Variants in PALLD observed in about 807,000 individuals in gnomAD.
PALLD encodes palladin, cytoskeletal associated protein.
A neutral mutation model predicts 123.5 loss-of-function variants in PALLD; 61 were observed. That is an observed-to-expected ratio of 0.49 (90% CI 0.40 to 0.61). The LOEUF (loss-of-function observed/expected upper bound fraction) is 0.61. Among genes scored for constraint, PALLD ranks in the 20% least tolerant of loss-of-function variants. The pLI, the probability that PALLD is intolerant of heterozygous loss-of-function variation, is 0.00. For synonymous variants in PALLD, 465 were observed against 496.4 expected, an observed-to-expected ratio of 0.94 and a Z score of 0.84; for missense variants, 1,273 against 1,377.0, an observed-to-expected ratio of 0.92 and a Z score of 1.20.
chr4:168,608,327 G>A (rs1773391393), intron 2 of PALLD, among the ~76,000 whole-genome samples: 3 of 152,122 alleles, frequency 2.0e-5, no homozygotes, highest in African/African-American at 7.2e-5. Flanking sequence ...CTCATCCAAT[G>A]AGCCCCCCAT....
chr4:168,715,094 T>C (rs1785218799), intron 10 of PALLD, among the ~76,000 whole-genome samples: 1 of 151,838 alleles, frequency 6.6e-6, no homozygotes, highest in East Asian at 1.9e-4. Context: ...GGGTTCCTGG[T>C]CCAGTCTATG....
At position 168,925,002 on chromosome 4, in the gene PALLD, A is replaced by T. The variant is rs1447433925; in HGVS notation, c.3282A>T (p.Glu1094Asp). 8 of 1,614,036 alleles carry T rather than the reference A, an allele frequency of 5.0e-6. No homozygotes were observed. Among genetic ancestry groups the T allele is most frequent in the African/African-American group, 2.7e-5 (2 of 74,930 alleles). Residue 1094 changes from glutamate (E) to aspartate (D), a missense_variant, in exon 20 of 22, where the codon GAA (glutamate) becomes GAT (aspartate). By Grantham distance (45) the Glu-to-Asp change is conservative. Coordinates refer to ENST00000505667, the MANE Select transcript of PALLD (RefSeq NM_001166108.2). ...TGCTCATTCAGGGAGCCACAAAAGA[A>T]GATGCTGGGTGGTATACTGTGTCAG... ...ICLLIQGATK[E>D]DAGWYTVSAK...
chr4:168,681,067 T>G (rs116137870), intron 3 of PALLD, among the ~76,000 whole-genome samples: 2,585 of 152,252 alleles, frequency 0.017, 77 homozygotes, highest in African/African-American at 0.058. Context: ...ATGACCACAG[T>G]GATAAAAATG....
chr4:168,858,943 A>C (rs942156613), intron 10 of PALLD, among the ~76,000 whole-genome samples: 2 of 152,142 alleles, frequency 1.3e-5, no homozygotes, highest in Admixed American at 1.3e-4. Context: ...CCTTACTCTA[A>C]ATATAAAAAT....
chr4:168,808,993 C>G (rs1247116159), intron 10 of PALLD, among the ~76,000 whole-genome samples: 5 of 152,134 alleles, frequency 3.3e-5, no homozygotes, highest in Non-Finnish European at 7.4e-5. Context: ...TCTTTTGAAC[C>G]AGGAGATGAA....
At chr4:168,779,480 ACAT>A (rs1223640963) in intron 10 of PALLD, among the ~76,000 whole-genome samples, 8 of 151,206 alleles carry the variant, frequency 5.3e-5, no homozygotes, top group Admixed American at 2.0e-4. Flanking sequence ...CTTCATGTGA[ACAT>A]CATATATATA....
chr4:168,563,940 GC>G (rs1245330661), intron 2 of PALLD, among the ~76,000 whole-genome samples: 2 of 152,158 alleles, frequency 1.3e-5, no homozygotes, highest in African/African-American at 4.8e-5. Context: ...TTAAGTCAGA[GC>G]TTTTAGGGTA....
At chr4:168,668,587 TG>T (rs1186460134) in intron 3 of PALLD, among the ~76,000 whole-genome samples, 6 of 152,384 alleles carry the variant, frequency 3.9e-5, no homozygotes, top group Non-Finnish European at 5.9e-5. Context: ...TAATGTAGAA[TG>T]TTTCCACTCC....
chr4:168,603,893 C>T (rs558142217), intron 2 of PALLD, among the ~76,000 whole-genome samples: 5 of 152,298 alleles, frequency 3.3e-5, no homozygotes, highest in African/African-American at 1.2e-4. Context: ...AATGGATATA[C>T]ACAAATGTGC....
intron 10 of PALLD, among the ~76,000 whole-genome samples, chr4:168,884,099 A>C (rs2151156398): frequency 6.6e-6 from 1 of 152,258 alleles, no homozygotes; most frequent in East Asian, 1.9e-4. Flanking sequence ...TTTTATAGGA[A>C]AACAAACTCA....
At chr4:168,592,839 G>T (rs1187548864) in intron 2 of PALLD, among the ~76,000 whole-genome samples, 3 of 152,026 alleles carry the variant, frequency 2.0e-5, no homozygotes, top group Non-Finnish European at 4.4e-5. Context: ...ACTGTGTGGG[G>T]CAACAAGCCC....
chr4:168,687,694 A>G (rs1004384956), intron 6 of PALLD, among the ~76,000 whole-genome samples: 3 of 152,128 alleles, frequency 2.0e-5, no homozygotes, highest in African/African-American at 7.2e-5. Flanking sequence ...CACCAAGAGG[A>G]ACTCTCAAAT....
intron 13 of PALLD, among the ~76,000 whole-genome samples, chr4:168,897,354 A>G (rs952237702): frequency 6.6e-6 from 1 of 152,236 alleles, no homozygotes; most frequent in Non-Finnish European, 1.5e-5. Flanking sequence ...TGTTTTTTAA[A>G]CACTGAGTAA....
intron 10 of PALLD, among the ~76,000 whole-genome samples, chr4:168,840,335 G>C (rs143604987): frequency 6.6e-6 from 1 of 152,310 alleles, no homozygotes; most frequent in East Asian, 1.9e-4. Context: ...TTGCAAGAGA[G>C]AGAGTGATAT....
At position 168,878,879 on chromosome 4, in the gene PALLD, A is replaced by G. The variant is rs146201914; in HGVS notation, c.1965-12043A>G. On this transcript the variant is annotated intron_variant, in intron 10 of 21. Coordinates refer to ENST00000505667, the MANE Select transcript of PALLD (RefSeq NM_001166108.2). Reference sequence around the variant, plus strand: ...GAATCCATGCTCTCACCACCAAACTATGTGTTTTATTATAATATTTCATGC... The same window carrying G: ...GAATCCATGCTCTCACCACCAAACTGTGTGTTTTATTATAATATTTCATGC... Among the ~76,000 whole-genome samples the G allele has an allele frequency of 3.8e-3, 577 of 152,186 alleles. 2 individuals carry two copies. Among genetic ancestry groups the G allele is most frequent in the African/African-American group, 0.013 (550 of 41,542 alleles).
intron 8 of PALLD, among the ~76,000 whole-genome samples, chr4:168,697,625 C>T (rs978118132): frequency 6.6e-6 from 1 of 152,222 alleles, no homozygotes; most frequent in East Asian, 1.9e-4. Flanking sequence ...GCTGGGAACA[C>T]TCATCTTACC....
chr4:168,560,752 C>G (rs1767785000), intron 2 of PALLD, among the ~76,000 whole-genome samples: 1 of 152,140 alleles, frequency 6.6e-6, no homozygotes, highest in African/African-American at 2.4e-5. Context: ...AGCACCAAAC[C>G]TATTAGTTTT....
At chr4:168,908,583 C>G (rs1244760555) in intron 15 of PALLD, among the ~76,000 whole-genome samples, 2 of 152,248 alleles carry the variant, frequency 1.3e-5, no homozygotes, top group Admixed American at 6.5e-5. Context: ...GAAGTTGACT[C>G]CTTACTTCCT....
intron 2 of PALLD, among the ~76,000 whole-genome samples, chr4:168,635,571 A>G (rs1320828042): frequency 1.3e-5 from 2 of 152,224 alleles, no homozygotes; most frequent in African/African-American, 4.8e-5. Flanking sequence ...CTAATAGTCC[A>G]TTACAAGCTA....
Sources: allele counts gnomAD v4.1 joint callset (sites outside exome capture counted in the v4.1 genomes callset), GRCh38; gene constraint gnomAD v4.1.1; transcripts MANE v1.5; gene names NCBI Gene and HGNC (gene_info 2026-07-23, HGNC 2026-07-21).